NR6A1: variants seen among roughly 807,000 people sequenced by gnomAD.
The protein encoded by NR6A1 is nuclear receptor subfamily 6 group A member 1.
NR6A1 carries 7 observed loss-of-function variants against 59.1 expected under a neutral mutation model. The ratio of observed to expected loss-of-function variants is 0.12; its 90% CI spans 0.07 to 0.22. The LOEUF (loss-of-function observed/expected upper bound fraction) is 0.22. NR6A1 is among the 10% of genes least tolerant of loss of function. NR6A1 has a pLI of 1.00. For missense variants in NR6A1, 468 were observed against 611.6 expected (o/e 0.77, Z 2.48); for synonymous variants, 243 against 236.1 (o/e 1.03, Z -0.27).
chr9:124,569,778 C>T (rs749175633), intron 2 of NR6A1, among the ~76,000 whole-genome samples: 6 of 152,208 alleles, frequency 3.9e-5, no homozygotes, highest in African/African-American at 4.8e-5. Context: ...AAAAAATCAT[C>T]GCACTGTTCC....
chr9:124,614,008 G>A (rs549254817), intron 2 of NR6A1, among the ~76,000 whole-genome samples: 95 of 152,230 alleles, frequency 6.2e-4, no homozygotes, highest in South Asian at 1.9e-3. Context: ...TGACTCCAGA[G>A]AAAGAGGAAA....
At chr9:124,560,993 G>T (rs1308607905) in intron 2 of NR6A1, among the ~76,000 whole-genome samples, 1 of 152,170 alleles carries the variant, frequency 6.6e-6, no homozygotes, top group Non-Finnish European at 1.5e-5. Context: ...GGCAAGGTAA[G>T]CCTCAACTTG....
At chr9:124,527,856 G>T (rs1832983953) in intron 7 of NR6A1, among the ~76,000 whole-genome samples, 1 of 152,234 alleles carries the variant, frequency 6.6e-6, no homozygotes, top group Admixed American at 6.5e-5. Context: ...TCATACCAGA[G>T]ATGGAGATAC....
rs542044729 is a variant in NR6A1 at position 124,643,978 on chromosome 9, A to G, written c.142+89330T>C. Among the ~76,000 whole-genome samples the G allele has an allele frequency of 6.0e-4, 91 of 152,180 alleles. 1 individual carries two copies. In the South Asian group the frequency reaches 0.018, roughly 31 times the overall value. Reference sequence around the variant, plus strand: ...TGCAGTGGCGCGATACTGGCTCACTACAACCTCCACCTCCTGGGTTCAAGC... The same window carrying G: ...TGCAGTGGCGCGATACTGGCTCACTGCAACCTCCACCTCCTGGGTTCAAGC... On this transcript the variant is annotated intron_variant, in intron 2 of 9. Transcript: ENST00000487099.
chr9:124,622,113 G>A (rs1414795570), intron 2 of NR6A1, among the ~76,000 whole-genome samples: 1 of 152,214 alleles, frequency 6.6e-6, no homozygotes, highest in African/African-American at 2.4e-5. Context: ...CTACTTCGCA[G>A]GCTGAGGTGA....
intron 3 of NR6A1, among the ~76,000 whole-genome samples, chr9:124,544,245 T>C (rs537072896): frequency 6.5e-4 from 99 of 152,342 alleles, no homozygotes; most frequent in Non-Finnish European, 1.1e-3. Flanking sequence ...ATTCCCAGCC[T>C]AAGTTTAGAT....
intron 2 of NR6A1, among the ~76,000 whole-genome samples, chr9:124,614,175 G>A (rs1292294937): frequency 1.3e-5 from 2 of 152,104 alleles, no homozygotes; most frequent in Non-Finnish European, 2.9e-5. Context: ...CAAAGAAGAG[G>A]GCTAGGAGGG....
intron 2 of NR6A1, among the ~76,000 whole-genome samples, chr9:124,725,251 G>A (rs908619303): frequency 1.3e-5 from 2 of 152,110 alleles, no homozygotes; most frequent in Admixed American, 6.6e-5. Flanking sequence ...GACACTTCTT[G>A]TAGAAATGAA....
intron 2 of NR6A1, among the ~76,000 whole-genome samples, chr9:124,575,253 G>A (rs1372248568): frequency 6.6e-6 from 1 of 152,162 alleles, no homozygotes; most frequent in Non-Finnish European, 1.5e-5. Flanking sequence ...AAGAGCGTGG[G>A]CTGTGAAGTC....
chr9:124,704,886 A>G (rs1292208756), intron 2 of NR6A1, among the ~76,000 whole-genome samples: 1 of 152,008 alleles, frequency 6.6e-6, no homozygotes, highest in Non-Finnish European at 1.5e-5. Flanking sequence ...CCAGAAGCGC[A>G]TGCCACAACT....
chr9:124,526,288 A>ATGTGTGTG (rs3050281), intron 8 of NR6A1, among the ~76,000 whole-genome samples: 7 of 146,656 alleles, frequency 4.8e-5, no homozygotes, highest in South Asian at 4.3e-4. Context: ...GTATGTGTGT[A>ATGTGTGTG]TGTGTGTGTG....
chr9:124,558,611 A>C (rs1406267164), intron 2 of NR6A1, among the ~76,000 whole-genome samples: 1 of 152,182 alleles, frequency 6.6e-6, no homozygotes, highest in Non-Finnish European at 1.5e-5. Flanking sequence ...GTGCTGAATA[A>C]TCACAATTAT....
At position 124,554,248 on chromosome 9, in the gene NR6A1, G is replaced by A. The variant is rs955680916; in HGVS notation, c.385+80C>T. 1.0e-5 allele frequency: 16 copies of A among 1,597,234 alleles called. No individual in the cohort carries two copies. In the Admixed American group the frequency reaches 2.5e-4, roughly 25 times the overall value. ...GCCTGATATGTAGTGCAAGCTTGAG[G>A]AATAAGTAACTAAACAGCTGACACT... On this transcript the variant is annotated intron_variant, in intron 3 of 9. Transcript: ENST00000487099.
intron 2 of NR6A1, among the ~76,000 whole-genome samples, chr9:124,561,422 C>T (rs1242228266): frequency 1.3e-5 from 2 of 151,666 alleles, no homozygotes; most frequent in Non-Finnish European, 2.9e-5. Context: ...TACGGGGCGG[C>T]GGAATGAGAT....
intron 2 of NR6A1, among the ~76,000 whole-genome samples, chr9:124,626,526 A>G (rs1054312238): frequency 1.3e-5 from 2 of 152,250 alleles, no homozygotes; most frequent in African/African-American, 4.8e-5. Flanking sequence ...AATTAAATCC[A>G]GAAGTGTATC....
chr9:124,592,718 T>C (rs1308555804), intron 2 of NR6A1, among the ~76,000 whole-genome samples: 1 of 152,160 alleles, frequency 6.6e-6, no homozygotes, highest in Non-Finnish European at 1.5e-5. Context: ...CAAGCCACAT[T>C]ATGGACCCCC....
At chr9:124,646,571 A>G (rs1836936355) in intron 2 of NR6A1, among the ~76,000 whole-genome samples, 1 of 152,210 alleles carries the variant, frequency 6.6e-6, no homozygotes. Context: ...GAGGTGTCCA[A>G]TCTTTAAGCT....
At chr9:124,598,608 CAAATA>C in intron 2 of NR6A1, 1 of 188,996 alleles carries the variant, frequency 5.3e-6, no homozygotes, top group South Asian at 5.4e-5. Flanking sequence ...AAAATGAAAT[CAAATA>C]AAAACAAACC....
intron 1 of NR6A1, among the ~76,000 whole-genome samples, chr9:124,746,246 T>C (rs546623670): frequency 7.9e-5 from 12 of 152,306 alleles, no homozygotes; most frequent in African/African-American, 2.9e-4. Flanking sequence ...CTTTAACCTT[T>C]CATCCCAGGA....
Sources: gnomAD v4.1 joint callset for allele counts (sites outside exome capture counted in the v4.1 genomes callset) on GRCh38, gnomAD v4.1.1 for gene constraint, MANE v1.5 for transcripts, NCBI Gene and HGNC (gene_info 2026-07-23, HGNC 2026-07-21) for gene names.